PPIG: variants seen among roughly 807,000 people sequenced by gnomAD.
PPIG encodes the protein peptidylprolyl isomerase G.
PPIG carries 26 observed loss-of-function variants against 87.9 expected under a neutral mutation model. That is an observed-to-expected ratio of 0.30 (90% CI 0.22 to 0.41). The LOEUF (loss-of-function observed/expected upper bound fraction) is 0.41, where lower values mean the gene tolerates loss of function less well. Among genes scored for constraint, PPIG ranks in the 10% least tolerant of loss-of-function variants. The probability of loss-of-function intolerance (pLI) is 1.00; values close to 1 mark genes in which losing one functional copy is unlikely to be tolerated. For missense variants in PPIG, 722 were observed against 879.4 expected, an observed-to-expected ratio of 0.82 and a Z score of 2.26; for synonymous variants, 308 against 276.5, an observed-to-expected ratio of 1.11 and a Z score of -1.13.
chr2:169,603,831 A>G (rs570662775), intron 2 of PPIG, 137 bp downstream of exon 2: 41 of 574,892 alleles, frequency 7.1e-5, no homozygotes, highest in Admixed American at 1.2e-4. Flanking sequence ...AGTCTTTTCT[A>G]ATTGCTTCAC....
At chr2:169,617,693 A>G (rs942441288) in intron 9 of PPIG, among the ~76,000 whole-genome samples, 3 of 152,188 alleles carry the variant, frequency 2.0e-5, no homozygotes, top group Admixed American at 2.0e-4. Context: ...TGATTTTTGC[A>G]CATTGATTTT....
chr2:169,631,440 A>AAATGC (rs1253470243), intron 10 of PPIG: 2 of 480,360 alleles, frequency 4.2e-6, no homozygotes, highest in Non-Finnish European at 6.1e-6. Flanking sequence ...CCTATGGCTC[A>AAATGC]AATGCAGTTA....
chr2:169,639,561 T>A lies in PPIG; in HGVS notation c.*2038T>A, dbSNP rs1197036785. The A allele has an allele frequency of 1.3e-5, 2 of 152,090 alleles. No individual in the cohort carries two copies. The highest frequency in any genetic ancestry group is 2.9e-5 in the Non-Finnish European group (2 of 67,948). 9.4% of individuals were successfully genotyped at this position (152,090 alleles called of 1,614,324 possible). ...GGGAAAAAAATTGTAGTAATTTCTA[T>A]AGGCAATATTCTGTTTGGGTTATCA... is the stretch of plus-strand genomic sequence containing the variant. On this transcript the variant is annotated 3_prime_UTR_variant, in exon 14 of 14. Transcript: ENST00000260970.
At chr2:169,608,989 C>G (rs532477002) in intron 7 of PPIG, among the ~76,000 whole-genome samples, 15 of 149,646 alleles carry the variant, frequency 1.0e-4, no homozygotes, top group African/African-American at 3.4e-4. Context: ...GAGGCTGAAG[C>G]AGGAGAATGG....
At chr2:169,605,995 T>A (rs575878612) in intron 4 of PPIG, 44 bp from the exon 5 acceptor site, 9 of 1,420,952 alleles carry the variant, frequency 6.3e-6, no homozygotes, top group African/African-American at 5.7e-5. Context: ...TCATACTACT[T>A]TGATTTCCTT....
intron 7 of PPIG, among the ~76,000 whole-genome samples, chr2:169,609,939 C>G (rs2683437): frequency 6.6e-6 from 1 of 152,072 alleles, no homozygotes; most frequent in East Asian, 1.9e-4. Flanking sequence ...TAGATTCTGT[C>G]TTTGTGAATT....
At chr2:169,597,838 C>T (rs1685062808) in intron 1 of PPIG, among the ~76,000 whole-genome samples, 1 of 150,458 alleles carries the variant, frequency 6.6e-6, no homozygotes, top group South Asian at 2.1e-4. Flanking sequence ...GTATATCCTA[C>T]ACACTTCTGT....
intron 6 of PPIG, among the ~76,000 whole-genome samples, chr2:169,608,079 G>A (rs536328270): frequency 5.9e-5 from 9 of 152,256 alleles, no homozygotes; most frequent in African/African-American, 2.2e-4. Flanking sequence ...AAATAAAGTG[G>A]TGTTATCTTT....
At chr2:169,599,111 T>G (rs1685106355) in intron 1 of PPIG, among the ~76,000 whole-genome samples, 1 of 152,078 alleles carries the variant, frequency 6.6e-6, no homozygotes, top group African/African-American at 2.4e-5. Context: ...TTAAATGCAT[T>G]TGTAATATGG....
intron 9 of PPIG, among the ~76,000 whole-genome samples, chr2:169,618,314 C>CT (rs1363955636): frequency 6.6e-6 from 1 of 151,978 alleles, no homozygotes; most frequent in East Asian, 1.9e-4. Flanking sequence ...CTGAAATTTT[C>CT]TTTTTTTGTT....
At chr2:169,600,887 A>G (rs992266548) in intron 1 of PPIG, among the ~76,000 whole-genome samples, 10 of 152,052 alleles carry the variant, frequency 6.6e-5, no homozygotes, top group African/African-American at 2.2e-4. Flanking sequence ...ATGAATTTTA[A>G]GTTGAAAAAC....
intron 4 of PPIG, among the ~76,000 whole-genome samples, chr2:169,605,221 C>A (rs1685290528): frequency 6.6e-6 from 1 of 152,148 alleles, no homozygotes; most frequent in Admixed American, 6.5e-5. Context: ...GTAATCCCAG[C>A]TACTCGGGAG....
At chr2:169,630,144 T>A (rs566221073) in intron 9 of PPIG, among the ~76,000 whole-genome samples, 1 of 150,390 alleles carries the variant, frequency 6.6e-6, no homozygotes, top group African/African-American at 2.4e-5. Flanking sequence ...ACTCTGAGTT[T>A]TTTTTTTTTT....
chr2:169,612,601 C>G (rs531430398), intron 7 of PPIG, among the ~76,000 whole-genome samples: 1 of 152,020 alleles, frequency 6.6e-6, no homozygotes, highest in Non-Finnish European at 1.5e-5. Flanking sequence ...CCAGGATGGT[C>G]TCGATCTCCT....
At chr2:169,603,922 C>G in intron 2 of PPIG, 104 bp from the exon 3 acceptor site, 1 of 831,632 alleles carries the variant, frequency 1.2e-6, no homozygotes, top group South Asian at 1.7e-5. Context: ...AAAATAAATT[C>G]AAACTATATT....
intron 1 of PPIG, among the ~76,000 whole-genome samples, chr2:169,590,115 A>G (rs1684819557): frequency 7.0e-6 from 1 of 143,022 alleles, no homozygotes; most frequent in African/African-American, 2.6e-5. Flanking sequence ...CTCTGTCTCA[A>G]CAACGACAAC....
chr2:169,633,482 G>T, intron 12 of PPIG: 1 of 538,850 alleles, frequency 1.9e-6, no homozygotes, highest in South Asian at 2.7e-5. Context: ...ATGGGATCGA[G>T]GTCTTTCTTG....
At chr2:169,628,691 A>C (rs565754888) in intron 9 of PPIG, among the ~76,000 whole-genome samples, 1 of 151,906 alleles carries the variant, frequency 6.6e-6, no homozygotes, top group South Asian at 2.1e-4. Context: ...TGTAATCCCA[A>C]CACTTACGGA....
intron 4 of PPIG, among the ~76,000 whole-genome samples, chr2:169,605,434 C>A (rs918268361): frequency 4.0e-5 from 6 of 151,752 alleles, no homozygotes; most frequent in African/African-American, 1.5e-4. Context: ...GCCCAGGAGG[C>A]GGAGGTGGCA....
Sources: allele counts gnomAD v4.1 joint callset (sites outside exome capture counted in the v4.1 genomes callset), GRCh38; gene constraint gnomAD v4.1.1; transcripts MANE v1.5; gene names NCBI Gene and HGNC (gene_info 2026-07-23, HGNC 2026-07-21).